PHEX: variants seen among roughly 807,000 people sequenced by gnomAD.
PHEX encodes the protein phosphate-regulating neutral endopeptidase PHEX.
Under a neutral mutation model 68.0 loss-of-function variants are expected in PHEX, and 16 were observed. The ratio of observed to expected loss-of-function variants is 0.24; its 90% CI spans 0.16 to 0.36. PHEX has a LOEUF of 0.36. Ranked by LOEUF, PHEX falls within the 10% of genes least tolerant of loss-of-function variation. The probability of loss-of-function intolerance (pLI) is 1.00; values close to 1 mark genes in which losing one functional copy is unlikely to be tolerated. For missense variants in PHEX, 480 were observed against 575.5 expected, an observed-to-expected ratio of 0.83 and a Z score of 1.70; for synonymous variants, 208 against 205.1, an observed-to-expected ratio of 1.01 and a Z score of -0.12.
chrX:22,104,329 T>C (rs1930570312), intron 9 of PHEX, among the ~76,000 whole-genome samples: 2 of 109,995 alleles, frequency 1.8e-5, no homozygotes, highest in South Asian at 8.0e-4. Context: ...CCTCCAGTGG[T>C]GGTGGTGCCA....
chrX:22,232,553 CATTTA>C (rs1214179326), intron 20 of PHEX, among the ~76,000 whole-genome samples: 1 of 79,577 alleles, frequency 1.3e-5, no homozygotes, highest in Non-Finnish European at 2.4e-5. Flanking sequence ...GATCTTTGTT[CATTTA>C]AAGTCTGTTT....
Position 22,134,611 on chromosome X carries a change from A to G in PHEX, c.1404+987A>G, listed in dbSNP as rs761866260. Among the ~76,000 whole-genome samples the G allele has an allele frequency of 4.4e-5, 5 of 112,753 alleles. No homozygotes were observed. The South Asian group carries it at 1.8e-3, about 41-fold the overall frequency. On this transcript the variant is annotated intron_variant, in intron 12 of 21. Coordinates refer to ENST00000379374, the MANE Select transcript of PHEX (RefSeq NM_000444.6). Reference sequence around the variant, plus strand: ...CCATCTCTGAATAAATGAATGAATGAATGGGATCCATTTTGAATTCCAGAG... The same window carrying G: ...CCATCTCTGAATAAATGAATGAATGGATGGGATCCATTTTGAATTCCAGAG...
In PHEX at chrX:22,178,451, T is replaced by G. The variant is rs955463411; in HGVS notation, c.1586+75T>G. On this transcript the variant is annotated intron_variant, in intron 14 of 21. Transcript: ENST00000379374. The stretch of plus-strand genomic sequence containing the variant: ...CGGAGTCTCTTTAGATTAAACTTTG[T>G]AATTCCCCTCAAGTCAGAGTAGCTG... 8.1e-6 allele frequency: 5 copies of G among 619,553 alleles called. No individual in the cohort carries two copies. In the African/African-American group the frequency reaches 1.1e-4, roughly 14 times the overall value. The allele number at this position is 619,553 out of a possible 1,213,427, so 51.1% of individuals were successfully genotyped here.
intron 20 of PHEX, among the ~76,000 whole-genome samples, chrX:22,244,251 G>C (rs925881943): frequency 1.8e-5 from 2 of 110,655 alleles, no homozygotes; most frequent in African/African-American, 6.6e-5. Flanking sequence ...CATGGACACA[G>C]GGAGGGGAAC....
rs1036644594 is a variant in PHEX, at chrX:22,221,720, T to C, written c.1876T>C (p.Tyr626His). The change falls in exon 18 of 22, where the codon TAT becomes CAT. Residue 626 changes from tyrosine to histidine, a missense_variant. Physicochemically the swap from Tyr to His is moderately conservative, Grantham distance 83. Transcript: ENST00000379374. ...CATGATTAACCAGTATAGCAACTAT[T>C]ATTGGAAGAAAGCTGGCTTAAATGT... ...KCMINQYSNY[Y>H]WKKAGLNVKG... 3.2e-5 allele frequency: 39 copies of C among 1,206,689 alleles called. No individual in the cohort carries two copies. Among genetic ancestry groups the C allele is most frequent in the Non-Finnish European group, 4.3e-5 (38 of 891,799 alleles).
intron 15 of PHEX, among the ~76,000 whole-genome samples, chrX:22,200,424 C>G (rs762693784): frequency 9.0e-6 from 1 of 110,850 alleles, no homozygotes; most frequent in African/African-American, 3.3e-5. Context: ...GCCTGGCCAA[C>G]GTGGTGAAAC....
chrX:22,189,223 A>G (rs777546647), intron 14 of PHEX, among the ~76,000 whole-genome samples: 1 of 112,639 alleles, frequency 8.9e-6, no homozygotes, highest in Non-Finnish European at 1.9e-5. Context: ...TATTGTGAAC[A>G]GTGCTGCAAC....
chrX:22,043,095 T>A (rs748221282), intron 2 of PHEX, among the ~76,000 whole-genome samples: 2 of 112,853 alleles, frequency 1.8e-5, no homozygotes, highest in Non-Finnish European at 3.7e-5. Flanking sequence ...AAGTATTACA[T>A]GATCTGTGGT....
chrX:22,235,994 A>G (rs1043278742), intron 20 of PHEX, among the ~76,000 whole-genome samples: 2 of 111,396 alleles, frequency 1.8e-5, no homozygotes, highest in African/African-American at 6.5e-5. Flanking sequence ...ACTCCACTCA[A>G]TCCAATTCAA....
chrX:22,061,010 G>A (rs758925263), intron 3 of PHEX, among the ~76,000 whole-genome samples: 5 of 110,373 alleles, frequency 4.5e-5, no homozygotes, highest in African/African-American at 1.7e-4. Context: ...ATACCCACGT[G>A]AGCTTTGGTG....
At chrX:22,093,833 G>C (rs1399419423) in intron 6 of PHEX, 150 bp from the exon 7 acceptor site, 2 of 453,166 alleles carry the variant, frequency 4.4e-6, no homozygotes, top group African/African-American at 4.8e-5. Flanking sequence ...ATGGGTGCCT[G>C]GTATTGCATA....
At chrX:22,232,596 C>CTTTT (rs745474280) in intron 20 of PHEX, among the ~76,000 whole-genome samples, 309 of 18,419 alleles carry the variant, frequency 0.017, 41 homozygotes, top group Non-Finnish European at 0.021. Flanking sequence ...GCCACTTCTG[C>CTTTT]TTTTTTTTTT....
At chrX:22,200,564 G>A (rs1426035968) in intron 15 of PHEX, among the ~76,000 whole-genome samples, 1 of 111,181 alleles carries the variant, frequency 9.0e-6, no homozygotes, top group African/African-American at 3.3e-5. Context: ...AGCTGAGATC[G>A]TGCCACTGTA....
chrX:22,146,672 C>G (rs1291854877), intron 12 of PHEX, among the ~76,000 whole-genome samples: 1 of 110,105 alleles, frequency 9.1e-6, no homozygotes, highest in Non-Finnish European at 1.9e-5. Context: ...CAAAAATTAG[C>G]TGGACGTGTT....
intron 12 of PHEX, among the ~76,000 whole-genome samples, chrX:22,135,413 A>G (rs944121464): frequency 5.3e-5 from 6 of 112,284 alleles, no homozygotes; most frequent in Non-Finnish European, 1.1e-4. Context: ...AGGGCTCTTT[A>G]TCCTCGCCTG....
chrX:22,160,627 C>A (rs138177028), intron 12 of PHEX, among the ~76,000 whole-genome samples: 3,703 of 109,539 alleles, frequency 0.034, 176 homozygotes, highest in African/African-American at 0.12. Flanking sequence ...CATCAGATCT[C>A]CTGAGACTTA....
chrX:22,056,355 C>G (rs1367030575), intron 3 of PHEX, among the ~76,000 whole-genome samples: 1 of 110,244 alleles, frequency 9.1e-6, no homozygotes, highest in African/African-American at 3.3e-5. Flanking sequence ...TTTTTTCTTT[C>G]TCTCTCTACT....
intron 16 of PHEX, among the ~76,000 whole-genome samples, chrX:22,218,638 A>G (rs1341130575): frequency 2.7e-5 from 3 of 111,891 alleles, no homozygotes; most frequent in Non-Finnish European, 5.6e-5. Context: ...AAGTTTCCAG[A>G]TAAAATATAC....
intron 15 of PHEX, among the ~76,000 whole-genome samples, chrX:22,198,155 T>A (rs1372768357): frequency 9.6e-6 from 1 of 104,462 alleles, no homozygotes; most frequent in Non-Finnish European, 1.9e-5. Context: ...ATATAATATA[T>A]ATCAATATGT....
Sources: gnomAD v4.1 joint callset for allele counts (sites outside exome capture counted in the v4.1 genomes callset) on GRCh38, gnomAD v4.1.1 for gene constraint, MANE v1.5 for transcripts, NCBI Gene and HGNC (gene_info 2026-07-23, HGNC 2026-07-21) for gene names.